Variants in IL1RAPL1 observed in about 807,000 individuals in gnomAD.
The protein encoded by IL1RAPL1 is interleukin-1 receptor accessory protein-like 1.
IL1RAPL1 carries 3 observed loss-of-function variants against 48.4 expected under a neutral mutation model. That is an observed-to-expected ratio of 0.06 (90% CI 0.03 to 0.16). The LOEUF (loss-of-function observed/expected upper bound fraction) is 0.16. IL1RAPL1 is among the 10% of genes least tolerant of loss of function. IL1RAPL1 has a pLI of 1.00. For missense variants in IL1RAPL1, 349 were observed against 530.6 expected (o/e 0.66, Z 3.36); for synonymous variants, 185 against 187.7 (o/e 0.99, Z 0.12).
intron 2 of IL1RAPL1, among the ~76,000 whole-genome samples, chrX:28,904,568 TTC>T (rs1407105440): frequency 1.8e-5 from 2 of 112,232 alleles, no homozygotes; most frequent in African/African-American, 3.2e-5. Flanking sequence ...CGTTTTAAAT[TTC>T]TGTTTTCTTG....
At chrX:28,842,293 T>A (rs975082) in intron 2 of IL1RAPL1, among the ~76,000 whole-genome samples, 6,296 of 109,927 alleles carry the variant, frequency 0.057, 359 homozygotes, top group East Asian at 0.24. Flanking sequence ...AAAAAAAAAA[T>A]AGTTTTAAAA....
chrX:29,778,828 C>A (rs1419280654), intron 6 of IL1RAPL1, among the ~76,000 whole-genome samples: 1 of 112,103 alleles, frequency 8.9e-6, no homozygotes, highest in African/African-American at 3.2e-5. Context: ...AATAACATTT[C>A]TCATAATAAA....
At chrX:29,378,037 C>A (rs1933645646) in intron 3 of IL1RAPL1, among the ~76,000 whole-genome samples, 1 of 98,285 alleles carries the variant, frequency 1.0e-5, no homozygotes, top group African/African-American at 3.7e-5. Context: ...TTCCCTATTT[C>A]TTTGAGGTTT....
intron 9 of IL1RAPL1, among the ~76,000 whole-genome samples, chrX:29,951,294 G>T (rs893516774): frequency 8.9e-6 from 1 of 112,202 alleles, no homozygotes; most frequent in Non-Finnish European, 1.9e-5. Context: ...TAAGAGAGAA[G>T]ATAAGATATA....
chrX:29,256,974 A>G lies in IL1RAPL1; in HGVS notation c.83-25964A>G, dbSNP rs374718743. Among the ~76,000 whole-genome samples, 19 of 111,305 alleles carry G rather than the reference A, an allele frequency of 1.7e-4. No individual in the cohort carries two copies. In the South Asian group the frequency reaches 4.9e-3, roughly 29 times the overall value. ...TTGAATTTGTGTATTTGAATTTGTA[A>G]TGATAAATATGGGAGAATTACCCTG... On this transcript the variant is annotated intron_variant, in intron 2 of 10. Coordinates refer to ENST00000378993, the MANE Select transcript of IL1RAPL1 (RefSeq NM_014271.4).
intron 2 of IL1RAPL1, among the ~76,000 whole-genome samples, chrX:28,992,510 A>AG (rs1373413256): frequency 9.1e-6 from 1 of 109,367 alleles, no homozygotes; most frequent in East Asian, 2.8e-4. Context: ...AAGAAAAAAA[A>AG]AAAAAAAGAA....
At chrX:28,911,608 A>G (rs1322556414) in intron 2 of IL1RAPL1, among the ~76,000 whole-genome samples, 2 of 111,091 alleles carry the variant, frequency 1.8e-5, no homozygotes, top group African/African-American at 3.3e-5. Context: ...TACTTATCAC[A>G]TATAGAATTA....
chrX:29,875,691 C>T (rs1931888258), intron 6 of IL1RAPL1, among the ~76,000 whole-genome samples: 1 of 112,028 alleles, frequency 8.9e-6, no homozygotes, highest in Non-Finnish European at 1.9e-5. Flanking sequence ...CCATCCCTGA[C>T]TCAGAATCTA....
chrX:29,313,491 A>G (rs1932754486), intron 3 of IL1RAPL1, among the ~76,000 whole-genome samples: 1 of 111,855 alleles, frequency 8.9e-6, no homozygotes, highest in Non-Finnish European at 1.9e-5. Context: ...AATATGTTCT[A>G]TGGCCATTAG....
chrX:29,144,630 AGATCTG>A (rs1929311781), intron 2 of IL1RAPL1, among the ~76,000 whole-genome samples: 1 of 108,041 alleles, frequency 9.3e-6, no homozygotes. Context: ...AAAAAAGGAA[AGATCTG>A]AATAAATAAT....
chrX:29,928,906 G>A lies in IL1RAPL1; in HGVS notation c.1057+8812G>A, dbSNP rs184248729. 3.3e-3 allele frequency among the ~76,000 whole-genome samples: 369 copies of A among 111,527 alleles called. 1 individual carries two copies. The highest frequency in any genetic ancestry group is 0.011 in the African/African-American group (336 of 30,747). On this transcript the variant is annotated intron_variant, in intron 8 of 10. Coordinates refer to ENST00000378993, the MANE Select transcript of IL1RAPL1 (RefSeq NM_014271.4). ...TCGGGTCATATAGTAGGGAGAAAAC[G>A]TGTTGATTTCCAGTAAATTACCATG...
intron 5 of IL1RAPL1, among the ~76,000 whole-genome samples, chrX:29,440,014 TGTG>T (rs776248841): frequency 9.3e-6 from 1 of 107,824 alleles, no homozygotes; most frequent in East Asian, 2.9e-4. Flanking sequence ...TGTGTGTGTG[TGTG>T]TGTGTGTGAA....
intron 2 of IL1RAPL1, among the ~76,000 whole-genome samples, chrX:29,231,238 C>T (rs1319769965): frequency 9.0e-6 from 1 of 110,719 alleles, no homozygotes; most frequent in East Asian, 2.9e-4. Flanking sequence ...GACATTGGGC[C>T]AGTGATGTAT....
At chrX:28,712,278 C>A (rs913523788) in intron 1 of IL1RAPL1, among the ~76,000 whole-genome samples, 1 of 110,562 alleles carries the variant, frequency 9.0e-6, no homozygotes, top group African/African-American at 3.3e-5. Context: ...GAGAAACCTA[C>A]CTACTGACTT....
At chrX:29,506,045 A>G (rs775792422) in intron 5 of IL1RAPL1, among the ~76,000 whole-genome samples, 1 of 112,147 alleles carries the variant, frequency 8.9e-6, no homozygotes, top group Admixed American at 9.4e-5. Flanking sequence ...TCCAGCAGAT[A>G]TATTTCTCAG....
chrX:29,218,804 A>G (rs919013115), intron 2 of IL1RAPL1, among the ~76,000 whole-genome samples: 1 of 112,284 alleles, frequency 8.9e-6, no homozygotes, highest in Non-Finnish European at 1.9e-5. Context: ...GCATCAGACT[A>G]TAAAATTATA....
At chrX:29,629,982 A>G (rs1924720742) in intron 5 of IL1RAPL1, among the ~76,000 whole-genome samples, 1 of 112,189 alleles carries the variant, frequency 8.9e-6, no homozygotes, top group Non-Finnish European at 1.9e-5. Context: ...ATATTTTATT[A>G]TACCTAAATG....
chrX:29,519,189 A>G (rs1423485443), intron 5 of IL1RAPL1, among the ~76,000 whole-genome samples: 2 of 111,615 alleles, frequency 1.8e-5, no homozygotes, highest in Non-Finnish European at 3.8e-5. Context: ...GTTGAATCCC[A>G]TGTAGCCATT....
chrX:29,712,426 T>C (rs1336765437), intron 6 of IL1RAPL1, among the ~76,000 whole-genome samples: 1 of 112,045 alleles, frequency 8.9e-6, no homozygotes, highest in East Asian at 2.8e-4. Context: ...GACAAGGACC[T>C]TCATACACTG....
Sources: gnomAD v4.1 joint callset for allele counts (sites outside exome capture counted in the v4.1 genomes callset) on GRCh38, gnomAD v4.1.1 for gene constraint, MANE v1.5 for transcripts, NCBI Gene and HGNC (gene_info 2026-07-23, HGNC 2026-07-21) for gene names.